The following TMCC1 variants were observed in gnomAD, a reference collection of about 807,000 sequenced individuals.
The protein encoded by TMCC1 is transmembrane and coiled-coil domains protein 1.
Under a neutral mutation model 52.4 loss-of-function variants are expected in TMCC1, and 15 were observed. That is an observed-to-expected ratio of 0.29 (90% CI 0.19 to 0.44). The LOEUF (loss-of-function observed/expected upper bound fraction) is 0.44. Ranked by LOEUF, TMCC1 falls within the 20% of genes least tolerant of loss-of-function variation. The pLI is 1.00. For missense variants in TMCC1, 503 were observed against 806.0 expected (o/e 0.62, Z 4.55); for synonymous variants, 279 against 301.9 (o/e 0.92, Z 0.79).
At chr3:129,734,203 G>C (rs2050756924) in intron 4 of TMCC1, among the ~76,000 whole-genome samples, 1 of 151,850 alleles carries the variant, frequency 6.6e-6, no homozygotes, top group African/African-American at 2.4e-5. Flanking sequence ...CTTACAAACT[G>C]GTATATTCAT....
chr3:129,705,890 CCTTT>C (rs1012207407), intron 4 of TMCC1, among the ~76,000 whole-genome samples: 1 of 36,926 alleles, frequency 2.7e-5, no homozygotes, highest in African/African-American at 9.0e-5. Flanking sequence ...CCGCGCCCGG[CCTTT>C]TTTTCTTTTT....
chr3:129,849,774 A>G (rs2059829958), intron 2 of TMCC1, among the ~76,000 whole-genome samples: 1 of 151,376 alleles, frequency 6.6e-6, no homozygotes, highest in Non-Finnish European at 1.5e-5. Flanking sequence ...TCAAAAAAAA[A>G]TAAAAAATAA....
chr3:129,856,941 C>T (rs577658791), intron 2 of TMCC1, among the ~76,000 whole-genome samples: 14 of 151,644 alleles, frequency 9.2e-5, no homozygotes, highest in South Asian at 8.3e-4. Context: ...TTTTTTGAGA[C>T]GTAATCTTGC....
rs1269130704 is a variant in TMCC1, at chr3:129,880,537, G to A, written c.-412C>T. 6.6e-6 allele frequency: 1 copy of A among 152,232 alleles called. No homozygotes were observed. The highest frequency in any genetic ancestry group is 1.5e-5 in the Non-Finnish European group (1 of 68,058). 9.4% of individuals were successfully genotyped at this position (152,232 alleles called of 1,614,324 possible). The stretch of plus-strand genomic sequence containing the variant: ...TCTGAAGAAAGTGCTAACTGTGGAT[G>A]TGTCTTCTCCAGAGATTAATACCTG... On this transcript the variant is annotated 5_prime_UTR_variant, in exon 2 of 7. Transcript: ENST00000393238.
In TMCC1 at chr3:129,650,278, C is replaced by CAAAAA. The variant is rs11298293; in HGVS notation, c.*1198_*1202dup. The CAAAAA allele has an allele frequency of 7.6e-6, 1 of 131,600 alleles. No individual in the cohort carries two copies. The highest frequency in any genetic ancestry group is 2.9e-5 in the African/African-American group (1 of 34,682). The allele number at this position is 131,600 out of a possible 1,614,324, so 8.2% of individuals were successfully genotyped here. A position where few individuals can be genotyped will look rare whatever the true frequency, so the allele number is the denominator to read the frequency against. The stretch of plus-strand genomic sequence containing the variant: ...TCACTGGGTGAACGTTTTCTTGGGG[C>CAAAAA]AAAAAAAAAAAAAAAAAATCCCTAT... On this transcript the variant is annotated 3_prime_UTR_variant, in exon 7 of 7. Transcript: ENST00000393238.
At chr3:129,839,722 G>A (rs2059337364) in intron 2 of TMCC1, among the ~76,000 whole-genome samples, 1 of 151,426 alleles carries the variant, frequency 6.6e-6, no homozygotes, top group South Asian at 2.1e-4. Flanking sequence ...CCATATCTAC[G>A]AAAAATTTAA....
chr3:129,799,576 C>T (rs1401085434), intron 4 of TMCC1, among the ~76,000 whole-genome samples: 2 of 152,000 alleles, frequency 1.3e-5, no homozygotes, highest in South Asian at 2.1e-4. Context: ...TTTGGGAGGC[C>T]GAGGCGGGTG....
chr3:129,859,689 C>T (rs1287683976), intron 2 of TMCC1, among the ~76,000 whole-genome samples: 1 of 146,440 alleles, frequency 6.8e-6, no homozygotes, highest in Non-Finnish European at 1.5e-5. Context: ...CACACACATA[C>T]ACACGTATAT....
chr3:129,689,285 T>A (rs2089633012), intron 4 of TMCC1, among the ~76,000 whole-genome samples: 1 of 152,186 alleles, frequency 6.6e-6, no homozygotes, highest in African/African-American at 2.4e-5. Context: ...CCCAAGACAC[T>A]ACGTGACAGA....
At chr3:129,892,869 T>C (rs1294189644) in intron 1 of TMCC1, 4 of 152,202 alleles carry the variant, frequency 2.6e-5, no homozygotes, top group African/African-American at 7.2e-5. Context: ...GCTGCACCTC[T>C]TTCCCCTATC....
intron 4 of TMCC1, among the ~76,000 whole-genome samples, chr3:129,676,302 A>C (rs1181202605): frequency 6.6e-6 from 1 of 152,154 alleles, no homozygotes; most frequent in Admixed American, 6.5e-5. Context: ...AAAGGTAAAA[A>C]TCAGTCAGTT....
chr3:129,836,325 T>A lies in TMCC1; in HGVS notation c.-183-3499A>T, dbSNP rs2059157156. ...CTCAAATAAAGGGAGAGGGTAGAAA[T>A]ATAGATTTGAATAGCATGAACAAAC... On this transcript the variant is annotated intron_variant, in intron 2 of 6. Coordinates refer to ENST00000393238, the MANE Select transcript of TMCC1 (RefSeq NM_001017395.5). Among the ~76,000 whole-genome samples the A allele has an allele frequency of 2.6e-5, 4 of 152,218 alleles. No homozygotes were observed. The South Asian group carries it at 8.3e-4, about 32-fold the overall frequency.
chr3:129,726,503 T>C (rs979757370), intron 4 of TMCC1, among the ~76,000 whole-genome samples: 3 of 152,174 alleles, frequency 2.0e-5, no homozygotes, highest in African/African-American at 2.4e-5. Context: ...CTGTAGTTTA[T>C]AGTTTTAAAA....
chr3:129,809,576 A>G (rs2057684427), intron 4 of TMCC1, among the ~76,000 whole-genome samples: 2 of 152,170 alleles, frequency 1.3e-5, no homozygotes, highest in African/African-American at 4.8e-5. Flanking sequence ...TGGTACTGTA[A>G]CAATACAGTA....
At chr3:129,803,466 T>C (rs777533466) in intron 4 of TMCC1, among the ~76,000 whole-genome samples, 9 of 152,214 alleles carry the variant, frequency 5.9e-5, no homozygotes, top group Non-Finnish European at 8.8e-5. Context: ...ACTACAGCAC[T>C]GTATACTTCA....
intron 4 of TMCC1, among the ~76,000 whole-genome samples, chr3:129,806,951 A>G (rs1375128758): frequency 1.3e-5 from 2 of 152,192 alleles, no homozygotes; most frequent in African/African-American, 4.8e-5. Flanking sequence ...CAGGAGAGCT[A>G]ACTGCTAAGA....
chr3:129,688,299 G>C (rs1466351316), intron 4 of TMCC1: 6 of 985,220 alleles, frequency 6.1e-6, no homozygotes, highest in Non-Finnish European at 7.2e-6. Flanking sequence ...TTGGCTATAA[G>C]CTCTTTCCAT....
In TMCC1 at chr3:129,702,002, T is replaced by A. The variant is rs747630694; in HGVS notation, c.577-30738A>T. On this transcript the variant is annotated intron_variant, in intron 4 of 6. Coordinates refer to ENST00000393238, the MANE Select transcript of TMCC1 (RefSeq NM_001017395.5). Reference sequence around the variant, plus strand: ...AAAATTTTTTAAAAATAAAATGGTATAATAAAATAATATTTTCAATGTCCT... The same window carrying A: ...AAAATTTTTTAAAAATAAAATGGTAAAATAAAATAATATTTTCAATGTCCT... Among the ~76,000 whole-genome samples, 8 of 152,262 alleles carry A rather than the reference T, an allele frequency of 5.3e-5. No individual in the cohort carries two copies. In the Middle Eastern group the frequency reaches 0.01, roughly 194 times the overall value.
intron 4 of TMCC1, among the ~76,000 whole-genome samples, chr3:129,772,255 G>A (rs1274514312): frequency 1.3e-5 from 2 of 152,144 alleles, no homozygotes; most frequent in Non-Finnish European, 2.9e-5. Flanking sequence ...GCTGAGGTGG[G>A]AGGATTGCTT....
Sources: allele counts gnomAD v4.1 joint callset (sites outside exome capture counted in the v4.1 genomes callset), GRCh38; gene constraint gnomAD v4.1.1; transcripts MANE v1.5; gene names NCBI Gene and HGNC (gene_info 2026-07-23, HGNC 2026-07-21).